FREM1: variants seen among roughly 807,000 people sequenced by gnomAD.
FREM1 encodes FRAS1-related extracellular matrix protein 1.
A neutral mutation model predicts 210.1 loss-of-function variants in FREM1; 220 were observed. The ratio of observed to expected loss-of-function variants is 1.05; its 90% confidence interval spans 0.94 to 1.17. The LOEUF is 1.17. FREM1 is among the 50% of genes most tolerant of loss of function. FREM1 has a pLI of 0.00. For synonymous variants in FREM1, 1,189 were observed against 980.2 expected (o/e 1.21, Z -3.98); for missense variants, 3,454 against 2,675.5 (o/e 1.29, Z -6.42).
chr9:14,776,712 T>C (rs1187214544), intron 24 of FREM1, among the ~76,000 whole-genome samples: 1 of 152,240 alleles, frequency 6.6e-6, no homozygotes. Context: ...CATACGTTTT[T>C]ATGGTAAATT....
chr9:14,741,973 G>T lies in FREM1; in HGVS notation c.6255-1739C>A, dbSNP rs752603404. On this transcript the variant is annotated intron_variant, in intron 35 of 36. Transcript: ENST00000380880. ...CCAGAAAGCAAGAAGTTCCAAAAGA[G>T]TGAGATGGGAAGATAGCTCTGCTTC... 2.6e-4 allele frequency among the ~76,000 whole-genome samples: 40 copies of T among 152,298 alleles called. No individual in the cohort carries two copies. In the Middle Eastern group the frequency reaches 0.01, roughly 39 times the overall value.
intron 1 of FREM1, among the ~76,000 whole-genome samples, chr9:14,870,356 T>C (rs1171428599): frequency 2.0e-5 from 3 of 152,206 alleles, no homozygotes; most frequent in Admixed American, 6.5e-5. Context: ...CTGTTTTTTA[T>C]GGTATCAGTC....
chr9:14,882,535 A>G (rs2132170645), intron 1 of FREM1, among the ~76,000 whole-genome samples: 1 of 146,788 alleles, frequency 6.8e-6, no homozygotes, highest in South Asian at 2.2e-4. Context: ...GCCTTGGCTT[A>G]CTGCAACCTC....
chr9:14,823,151 T>C lies in FREM1; in HGVS notation c.2337+9A>G, dbSNP rs1346930568. ...CCTTTTCATCCTCTATATAGAACAT[T>C]GTACATACCTCAGGAACTTGATTGT... On this transcript the variant is annotated intron_variant, in intron 13 of 36. Coordinates refer to ENST00000380880, the MANE Select transcript of FREM1 (RefSeq NM_001379081.2). The C allele has an allele frequency of 6.2e-7, 1 of 1,609,750 alleles. No individual in the cohort carries two copies. The highest frequency in any genetic ancestry group is 1.3e-5 in the African/African-American group (1 of 74,946).
At chr9:14,775,432 G>T (rs924364908) in intron 25 of FREM1, among the ~76,000 whole-genome samples, 2 of 152,086 alleles carry the variant, frequency 1.3e-5, no homozygotes, top group Non-Finnish European at 2.9e-5. Context: ...TTGGCCAGGC[G>T]TGATAGCTCA....
intron 34 of FREM1, 106 bp downstream of exon 34, chr9:14,746,817 G>A: frequency 1.5e-6 from 2 of 1,332,872 alleles, no homozygotes; most frequent in Non-Finnish European, 2.0e-6. Context: ...ACAATGGCAG[G>A]AAGATGTAGC....
In FREM1 at chr9:14,901,666, G is replaced by A. The variant is rs563328154; in HGVS notation, c.-268+8248C>T. Among the ~76,000 whole-genome samples the A allele has an allele frequency of 2.6e-5, 4 of 152,288 alleles. No homozygotes were observed. In the South Asian group the frequency reaches 8.3e-4, roughly 32 times the overall value. On this transcript the variant is annotated intron_variant, in intron 1 of 36. Coordinates refer to ENST00000380880, the MANE Select transcript of FREM1 (RefSeq NM_001379081.2). ...TAGTTCACATGTCTTATTGTAGGAA[G>A]ACCTCATTTAATCATCTGAACTAAA...
rs552533847 is a variant in FREM1 at position 14,901,960 on chromosome 9, T to C, written c.-268+7954A>G. Among the ~76,000 whole-genome samples the C allele has an allele frequency of 5.3e-5, 8 of 151,584 alleles. No individual in the cohort carries two copies. In the South Asian group the frequency reaches 1.5e-3, roughly 28 times the overall value. ...TTGACCACTGGGTCTCAAGTGATCC[T>C]CCCACCTGTCTCCTGAGTAGCTGGG... On this transcript the variant is annotated intron_variant, in intron 1 of 36. Coordinates refer to ENST00000380880, the MANE Select transcript of FREM1 (RefSeq NM_001379081.2).
In FREM1 at chr9:14,876,466, G is replaced by A. The variant is rs917649951; in HGVS notation, c.-267-7222C>T. Among the ~76,000 whole-genome samples the A allele has an allele frequency of 3.9e-5, 6 of 152,166 alleles. No individual in the cohort carries two copies. In the East Asian group the frequency reaches 5.8e-4, roughly 15 times the overall value. On this transcript the variant is annotated intron_variant, in intron 1 of 36. Coordinates refer to ENST00000380880, the MANE Select transcript of FREM1 (RefSeq NM_001379081.2). Reference sequence around the variant, plus strand: ...TAGCAATCAGTGAGACTCCGTGGGCGTAGGACCCTCTGAGCCAGGTGCAGG... The same window carrying A: ...TAGCAATCAGTGAGACTCCGTGGGCATAGGACCCTCTGAGCCAGGTGCAGG...
intron 1 of FREM1, among the ~76,000 whole-genome samples, chr9:14,893,758 A>AT (rs1241593359): frequency 2.0e-5 from 3 of 152,302 alleles, no homozygotes; most frequent in East Asian, 1.9e-4. Context: ...GGAAATGTGG[A>AT]TTTTTTTGCC....
In FREM1 at chr9:14,806,718, G is replaced by C. The variant is rs1243419916; in HGVS notation, c.3217C>G (p.Leu1073Val). 6.2e-7 allele frequency: 1 copy of C among 1,604,036 alleles called. No individual in the cohort carries two copies. The highest frequency in any genetic ancestry group is 1.3e-5 in the African/African-American group (1 of 74,874). Residue 1073 changes from leucine (L) to valine (V), a missense_variant, in exon 18 of 37, where the codon CTC becomes GTC. By Grantham distance (32) the Leu-to-Val change is conservative (BLOSUM62 1). Coordinates refer to ENST00000380880, the MANE Select transcript of FREM1 (RefSeq NM_001379081.2). ...CCCACAGAAGGGAGTATATTTTCGAGGTAGCCAAACTGAGGAGGAGAAACC... is the reference window on the plus strand; with the variant it reads ...CCCACAGAAGGGAGTATATTTTCGACGTAGCCAAACTGAGGAGGAGAAACC... ...VLVSPPQFGYLENILPSVGFE... is the reference protein window; with the variant it reads ...VLVSPPQFGYVENILPSVGFE...
At chr9:14,749,477 A>G (rs765566040) in intron 30 of FREM1, among the ~76,000 whole-genome samples, 1 of 152,182 alleles carries the variant, frequency 6.6e-6, no homozygotes, top group Admixed American at 6.5e-5. Context: ...AAGATTGAGT[A>G]TGGTACGAAC....
At position 14,819,424 on chromosome 9, in the gene FREM1, T is replaced by G; in HGVS notation, c.2356A>C (p.Lys786Gln). 2 of 1,611,640 alleles carry G rather than the reference T, an allele frequency of 1.2e-6. No homozygotes were observed. The highest frequency in any genetic ancestry group is 3.3e-5 in the Admixed American group (2 of 59,928). The change falls in exon 14 of 37, where the codon AAA becomes CAA. Residue 786 changes from lysine to glutamine, a missense_variant. Physicochemically the swap from Lys to Gln is moderately conservative, Grantham distance 53. Transcript: ENST00000380880. ...QVPEAFTNPL[K>Q]VTEGGQSIIS... Reference sequence around the variant, plus strand: ...ATGCTTTGACCTCCCTCAGTCACTTTCAGAGGGTTGGTGAACGCCTAGAAA... The same window carrying G: ...ATGCTTTGACCTCCCTCAGTCACTTGCAGAGGGTTGGTGAACGCCTAGAAA...
At chr9:14,884,915 CTTTTTTTTTTTTTT>C (rs745465527) in intron 1 of FREM1, among the ~76,000 whole-genome samples, 9 of 70,396 alleles carry the variant, frequency 1.3e-4, no homozygotes, top group Admixed American at 4.1e-4. Flanking sequence ...TTCATCATAG[CTTTTTTTTTTTTTT>C]TTTTTTTTTT....
At chr9:14,810,669 T>C (rs921581996) in intron 16 of FREM1, among the ~76,000 whole-genome samples, 1 of 152,206 alleles carries the variant, frequency 6.6e-6, no homozygotes, top group Non-Finnish European at 1.5e-5. Context: ...AAAACATCTT[T>C]ATAATAACTT....
chr9:14,758,959 A>T (rs1773588223), intron 28 of FREM1, among the ~76,000 whole-genome samples: 1 of 152,114 alleles, frequency 6.6e-6, no homozygotes, highest in South Asian at 2.1e-4. Context: ...CTTAAGATAG[A>T]TGGGTTTAAG....
intron 15 of FREM1, among the ~76,000 whole-genome samples, chr9:14,814,518 T>C (rs1291583871): frequency 6.6e-6 from 1 of 152,230 alleles, no homozygotes; most frequent in African/African-American, 2.4e-5. Context: ...GATAGAGGAA[T>C]GGGTAACAAA....
At chr9:14,908,930 C>T (rs1818261947) in intron 1 of FREM1, among the ~76,000 whole-genome samples, 1 of 152,156 alleles carries the variant, frequency 6.6e-6, no homozygotes, top group Non-Finnish European at 1.5e-5. Flanking sequence ...TAGAGCTGCA[C>T]TGAAGGCACC....
rs1430894870 is a variant in FREM1 at position 14,807,979 on chromosome 9, C to T, written c.3049G>A (p.Val1017Ile). Residue 1017 changes from valine to isoleucine, a missense_variant, in exon 17 of 37, where the codon GTA (valine) becomes ATA (isoleucine). Physicochemically the swap from Val to Ile is conservative, Grantham distance 29. Transcript: ENST00000380880. ...GGTGGCTGGTTGTCTACTGGGTATA[C>T]CGTGATGTTGAGATCATACACTGGA... ...SFPVYDLNITVYPVDNQPPSI... is the reference protein window; with the variant it reads ...SFPVYDLNITIYPVDNQPPSI... The T allele has an allele frequency of 1.2e-6, 2 of 1,613,746 alleles. No individual in the cohort carries two copies. The highest frequency in any genetic ancestry group is 1.3e-5 in the African/African-American group (1 of 74,998).
Sources: allele counts gnomAD v4.1 joint callset (sites outside exome capture counted in the v4.1 genomes callset), GRCh38; gene constraint gnomAD v4.1.1; transcripts MANE v1.5; gene names NCBI Gene and HGNC (gene_info 2026-07-23, HGNC 2026-07-21).